ECPAS: variants seen among roughly 807,000 people sequenced by gnomAD.
ECPAS encodes proteasome adapter and scaffold protein ECM29.
A neutral mutation model predicts 255.1 loss-of-function variants in ECPAS; 70 were observed. The observed-to-expected ratio is 0.27, with a 90% CI of 0.23 to 0.33. The LOEUF (loss-of-function observed/expected upper bound fraction) is 0.33, where lower values mean the gene tolerates loss of function less well. Among genes scored for constraint, ECPAS ranks in the 10% least tolerant of loss-of-function variants. The pLI is 1.00. For missense variants in ECPAS, 1,817 were observed against 2,206.4 expected (o/e 0.82, Z 3.54); for synonymous variants, 784 against 775.0 (o/e 1.01, Z -0.19).
At chr9:111,420,667 C>T (rs985427129) in intron 15 of ECPAS, among the ~76,000 whole-genome samples, 3 of 152,160 alleles carry the variant, frequency 2.0e-5, no homozygotes, top group African/African-American at 7.2e-5. Context: ...TAATCTGTAA[C>T]TACAAAGTTC....
intron 19 of ECPAS, 117 bp from the exon 20 acceptor site, chr9:111,414,103 T>TGA (rs2131740594): frequency 3.7e-6 from 2 of 539,080 alleles, no homozygotes; most frequent in East Asian, 6.6e-5. Context: ...TCGGTTCTAT[T>TGA]AAAAAAAAAA....
chr9:111,462,291 G>A (rs574153106), intron 2 of ECPAS, among the ~76,000 whole-genome samples: 5 of 152,230 alleles, frequency 3.3e-5, no homozygotes, highest in East Asian at 1.9e-4. Context: ...GGAAATAACC[G>A]TCACTGAAAG....
Position 111,417,948 on chromosome 9 carries a change from T to C in ECPAS, c.1618A>G (p.Arg540Gly). The stretch of plus-strand genomic sequence containing the variant: ...ATCTGCTCAGAAGTACTTTCTTTTC[T>C]GTTTCTACCTGGAAGACACCTTAAT... ...RVLRCLPGRN[R>G]KESTSEQMPS... Residue 540 changes from arginine (R) to glycine (G), a missense_variant, in exon 17 of 50, where the codon AGA (arginine) becomes GGA (glycine). Transcript: ENST00000684092. 2.5e-6 allele frequency: 4 copies of C among 1,605,298 alleles called. No individual in the cohort carries two copies. The highest frequency in any genetic ancestry group is 3.4e-6 in the Non-Finnish European group (4 of 1,175,584).
At chr9:111,453,340 AAAAT>A (rs974048089) in intron 2 of ECPAS, among the ~76,000 whole-genome samples, 1 of 152,242 alleles carries the variant, frequency 6.6e-6, no homozygotes, top group African/African-American at 2.4e-5. Context: ...TAGAAGGAAC[AAAAT>A]AAATAACAGC....
At chr9:111,375,877 C>T (rs2098132862) in intron 37 of ECPAS, among the ~76,000 whole-genome samples, 1 of 152,108 alleles carries the variant, frequency 6.6e-6, no homozygotes, top group African/African-American at 2.4e-5. Flanking sequence ...CTTCAGAGTC[C>T]TGCTAAAGGT....
At chr9:111,428,800 A>G (rs2098225488) in intron 9 of ECPAS, among the ~76,000 whole-genome samples, 1 of 152,212 alleles carries the variant, frequency 6.6e-6, no homozygotes, top group Non-Finnish European at 1.5e-5. Flanking sequence ...ATATCAATGA[A>G]CTTTTGTATA....
chr9:111,375,208 G>GA lies in ECPAS; in HGVS notation c.4021-7dup, dbSNP rs2098131996. On this transcript the variant is annotated splice_polypyrimidine_tract_variant and splice_region_variant and intron_variant, in intron 37 of 49. Coordinates refer to ENST00000684092, the MANE Select transcript of ECPAS (RefSeq NM_001364929.1). The stretch of plus-strand genomic sequence containing the variant: ...ACATCAAGGTATTGCAGGCACTTTT[G>GA]AAAAAGGACAAATATAAAGGTAAGC... The GA allele has an allele frequency of 6.2e-7, 1 of 1,611,430 alleles. No homozygotes were observed. The highest frequency in any genetic ancestry group is 1.3e-5 in the African/African-American group (1 of 74,842).
At chr9:111,411,406 C>G (rs2098194161) in intron 21 of ECPAS, among the ~76,000 whole-genome samples, 1 of 152,140 alleles carries the variant, frequency 6.6e-6, no homozygotes, top group Non-Finnish European at 1.5e-5. Context: ...CACTCCAATT[C>G]CGGGTGAGAT....
chr9:111,475,136 A>C (rs2098294602), intron 1 of ECPAS, among the ~76,000 whole-genome samples: 1 of 152,222 alleles, frequency 6.6e-6, no homozygotes, highest in African/African-American at 2.4e-5. Flanking sequence ...TTTGCACATA[A>C]ATCTGTCTCT....
intron 21 of ECPAS, 35 bp downstream of exon 21, chr9:111,411,979 C>T (rs1349002716): frequency 1.3e-6 from 2 of 1,485,566 alleles, no homozygotes; most frequent in African/African-American, 1.5e-5. Flanking sequence ...AAAACCCTAT[C>T]TCCCACAAAA....
chr9:111,428,292 C>A, intron 9 of ECPAS, 131 bp from the exon 10 acceptor site: 1 of 705,508 alleles, frequency 1.4e-6, no homozygotes, highest in Non-Finnish European at 2.2e-6. Flanking sequence ...TTAAAAATTA[C>A]TGAACTCTCC....
At position 111,415,756 on chromosome 9, in the gene ECPAS, G is replaced by A. The variant is rs114366517; in HGVS notation, c.1764+516C>T. On this transcript the variant is annotated intron_variant, in intron 18 of 49. Transcript: ENST00000684092. The stretch of plus-strand genomic sequence containing the variant: ...AAAACAACCCTTACATAAACAGGCT[G>A]CCAAGGAGTCCATCCTCTGGAAGCT... Among the ~76,000 whole-genome samples the A allele has an allele frequency of 3.8e-3, 572 of 151,346 alleles. 4 individuals are homozygous for A. The highest frequency in any genetic ancestry group is 0.013 in the African/African-American group (535 of 41,338).
chr9:111,389,401 A>C (rs897398834), intron 31 of ECPAS, among the ~76,000 whole-genome samples, 155 bp downstream of exon 31: 1 of 152,242 alleles, frequency 6.6e-6, no homozygotes, highest in African/African-American at 2.4e-5. Flanking sequence ...TGATACCTTG[A>C]AAGAAGGAAG....
chr9:111,373,419 A>G lies in ECPAS; in HGVS notation c.4178-13T>C. 1 of 1,608,874 alleles carries G rather than the reference A, an allele frequency of 6.2e-7. No individual in the cohort carries two copies. The highest frequency in any genetic ancestry group is 2.2e-5 in the East Asian group (1 of 44,816). On this transcript the variant is annotated splice_polypyrimidine_tract_variant and intron_variant, in intron 39 of 49. Transcript: ENST00000684092. ...CTCATAAGTTTACCTACCAGAAATA[A>G]AGAGAAAAAAATCTGATACTTGGTT...
intron 24 of ECPAS, among the ~76,000 whole-genome samples, chr9:111,400,552 C>G (rs1044474837): frequency 1.3e-5 from 2 of 151,942 alleles, no homozygotes; most frequent in African/African-American, 4.8e-5. Context: ...AGAAGGAATT[C>G]AGAAACTTAT....
At chr9:111,394,854 C>T (rs1166111649) in intron 25 of ECPAS, among the ~76,000 whole-genome samples, 1 of 152,176 alleles carries the variant, frequency 6.6e-6, no homozygotes, top group Non-Finnish European at 1.5e-5. Flanking sequence ...GGGGAAAAAT[C>T]TCATTCCTCC....
chr9:111,389,496 T>C, intron 31 of ECPAS, 60 bp downstream of exon 31: 1 of 1,417,498 alleles, frequency 7.1e-7, no homozygotes, highest in Middle Eastern at 1.9e-4. Context: ...GTTTAAATCC[T>C]ATGCATGACC....
intron 24 of ECPAS, among the ~76,000 whole-genome samples, chr9:111,403,120 C>A (rs1291636045): frequency 6.7e-6 from 1 of 149,858 alleles, no homozygotes; most frequent in Non-Finnish European, 1.5e-5. Context: ...TGGGAGGCCA[C>A]AGTGGGCAGA....
chr9:111,459,096 C>A (rs186685257), intron 2 of ECPAS, among the ~76,000 whole-genome samples: 95 of 152,194 alleles, frequency 6.2e-4, no homozygotes, highest in African/African-American at 2.2e-3. Context: ...ATGCCCTTAA[C>A]TGGTTAGGTT....
Sources: allele counts gnomAD v4.1 joint callset (sites outside exome capture counted in the v4.1 genomes callset), GRCh38; gene constraint gnomAD v4.1.1; transcripts MANE v1.5; gene names NCBI Gene and HGNC (gene_info 2026-07-23, HGNC 2026-07-21).